HDAC9: variants seen among roughly 807,000 people sequenced by gnomAD.
HDAC9 encodes the protein histone deacetylase 9.
In HDAC9, 41 loss-of-function variants were observed where a neutral mutation model predicts 139.4. That is an observed-to-expected ratio of 0.29 (90% CI 0.23 to 0.38). The LOEUF (loss-of-function observed/expected upper bound fraction) is 0.38. Ranked by LOEUF, HDAC9 falls within the 10% of genes least tolerant of loss-of-function variation. HDAC9 has a pLI of 1.00. For synonymous variants in HDAC9, 517 were observed against 476.2 expected (o/e 1.09, Z -1.12); for missense variants, 1,147 against 1,297.0 (o/e 0.88, Z 1.78).
At chr7:18,190,654 G>A (rs775557383) in intron 2 of HDAC9, among the ~76,000 whole-genome samples, 6 of 152,196 alleles carry the variant, frequency 3.9e-5, no homozygotes. Flanking sequence ...AACTTTCTAC[G>A]CTATCATTGA....
intron 22 of HDAC9, among the ~76,000 whole-genome samples, chr7:18,908,922 A>G (rs556985627): frequency 3.2e-4 from 48 of 152,056 alleles, no homozygotes; most frequent in Non-Finnish European, 5.4e-4. Flanking sequence ...ATATACACAC[A>G]GTTGTGAGAT....
At chr7:18,788,512 T>A (rs1792013116) in intron 16 of HDAC9, among the ~76,000 whole-genome samples, 2 of 152,138 alleles carry the variant, frequency 1.3e-5, no homozygotes, top group African/African-American at 4.8e-5. Context: ...CCCAGCATTT[T>A]GGGAGGCTGA....
At chr7:18,184,823 A>G (rs1278408999) in intron 2 of HDAC9, among the ~76,000 whole-genome samples, 2 of 152,224 alleles carry the variant, frequency 1.3e-5, no homozygotes, top group Non-Finnish European at 1.5e-5. Context: ...TTTTAATATT[A>G]TAGTACTGTA....
chr7:18,214,814 C>A (rs568378953), intron 2 of HDAC9, among the ~76,000 whole-genome samples: 40 of 152,178 alleles, frequency 2.6e-4, no homozygotes, highest in Non-Finnish European at 2.4e-4. Flanking sequence ...GGAAATAAAG[C>A]AAAGCATTGT....
At chr7:18,722,137 A>G (rs765841264) in intron 12 of HDAC9, among the ~76,000 whole-genome samples, 1 of 152,224 alleles carries the variant, frequency 6.6e-6, no homozygotes, top group African/African-American at 2.4e-5. Flanking sequence ...GTTGTCTTAC[A>G]CATCTCAGTT....
chr7:18,829,965 C>T (rs1795739713), intron 19 of HDAC9, among the ~76,000 whole-genome samples: 1 of 152,108 alleles, frequency 6.6e-6, no homozygotes, highest in Non-Finnish European at 1.5e-5. Context: ...TGTTGTGCAA[C>T]AGTGGTATTA....
chr7:18,838,776 G>A (rs1415837260), intron 21 of HDAC9, among the ~76,000 whole-genome samples: 1 of 151,866 alleles, frequency 6.6e-6, no homozygotes, highest in African/African-American at 2.4e-5. Flanking sequence ...TTTTCTCTTA[G>A]TTTTTAATTG....
chr7:18,184,647 C>T (rs1789762762), intron 2 of HDAC9, among the ~76,000 whole-genome samples: 1 of 152,148 alleles, frequency 6.6e-6, no homozygotes, highest in Admixed American at 6.5e-5. Flanking sequence ...TTCAGATTTT[C>T]AAAATAGGTA....
chr7:18,624,850 C>T (rs1360024115), intron 6 of HDAC9, among the ~76,000 whole-genome samples: 1 of 151,976 alleles, frequency 6.6e-6, no homozygotes, highest in Non-Finnish European at 1.5e-5. Flanking sequence ...TCTATCATCT[C>T]ATCTCTCACC....
At chr7:18,087,270 GGGGGCCACCGGTCCTCA>G (rs891996620) in intron 1 of HDAC9, 2 of 152,248 alleles carry the variant, frequency 1.3e-5, no homozygotes, top group Admixed American at 6.5e-5. Flanking sequence ...CCTGGGAATT[GGGGGCCACCGGTCCTCA>G]GGATGCGCCG....
chr7:18,665,097 A>G (rs1051625454), intron 11 of HDAC9, among the ~76,000 whole-genome samples: 7 of 152,176 alleles, frequency 4.6e-5, no homozygotes, highest in Non-Finnish European at 7.4e-5. Context: ...GTACTTAAGT[A>G]TTCACATTTT....
intron 1 of HDAC9, among the ~76,000 whole-genome samples, chr7:18,489,957 T>C (rs1796244296): frequency 6.6e-6 from 1 of 152,004 alleles, no homozygotes; most frequent in Non-Finnish European, 1.5e-5. Flanking sequence ...ACAATGCTGC[T>C]CTCATTCGCA....
chr7:18,548,415 A>C (rs1409212750), intron 2 of HDAC9, among the ~76,000 whole-genome samples: 1 of 152,226 alleles, frequency 6.6e-6, no homozygotes, highest in African/African-American at 2.4e-5. Context: ...TGACACTGAC[A>C]CACTTGCTCA....
chr7:18,392,167 A>G (rs1786548749), intron 1 of HDAC9, among the ~76,000 whole-genome samples: 1 of 152,016 alleles, frequency 6.6e-6, no homozygotes, highest in African/African-American at 2.4e-5. Flanking sequence ...GCCTATCTTG[A>G]CCTTAGATTC....
chr7:18,304,752 G>A (rs1283042019), intron 1 of HDAC9, among the ~76,000 whole-genome samples: 1 of 152,154 alleles, frequency 6.6e-6, no homozygotes, highest in Non-Finnish European at 1.5e-5. Context: ...TGGGGGCAGA[G>A]TGCGTAAGCC....
At chr7:18,984,858 C>T (rs1049901081) in intron 25 of HDAC9, among the ~76,000 whole-genome samples, 16 of 152,078 alleles carry the variant, frequency 1.1e-4, no homozygotes, top group African/African-American at 3.9e-4. Flanking sequence ...TGTCAATTCC[C>T]CACAAAAACT....
chr7:18,097,341 T>A (rs1782572953), intron 1 of HDAC9, among the ~76,000 whole-genome samples: 1 of 152,214 alleles, frequency 6.6e-6, no homozygotes, highest in Non-Finnish European at 1.5e-5. Context: ...CTTTCCTAAA[T>A]GACCAGCAAC....
chr7:18,524,938 C>T (rs995628041), intron 2 of HDAC9, among the ~76,000 whole-genome samples: 5 of 151,346 alleles, frequency 3.3e-5, no homozygotes, highest in Non-Finnish European at 7.4e-5. Context: ...AATATGTATA[C>T]GCAAGGAAAA....
intron 25 of HDAC9, among the ~76,000 whole-genome samples, chr7:18,977,734 T>C (rs1205693463): frequency 6.6e-6 from 1 of 152,096 alleles, no homozygotes; most frequent in Non-Finnish European, 1.5e-5. Context: ...ATTTATCACT[T>C]TTAGACAGAT....
Sources: allele counts gnomAD v4.1 joint callset (sites outside exome capture counted in the v4.1 genomes callset), GRCh38; gene constraint gnomAD v4.1.1; transcripts MANE v1.5; gene names NCBI Gene and HGNC (gene_info 2026-07-23, HGNC 2026-07-21).